Variants in SLC25A21 observed in about 807,000 individuals in gnomAD.
SLC25A21 encodes the protein mitochondrial 2-oxodicarboxylate carrier.
In SLC25A21, 47 loss-of-function variants were observed where a neutral mutation model predicts 43.8. The ratio of observed to expected loss-of-function variants is 1.07; its 90% CI spans 0.85 to 1.37. The LOEUF is 1.37. Ranked by LOEUF, SLC25A21 falls within the 40% of genes most tolerant of loss-of-function variation. The pLI, the probability that SLC25A21 is intolerant of heterozygous loss-of-function variation, is 0.00. For missense variants in SLC25A21, 352 were observed against 350.2 expected (o/e 1.00, Z -0.04); for synonymous variants, 131 against 121.3 (o/e 1.08, Z -0.52).
intron 1 of SLC25A21, among the ~76,000 whole-genome samples, chr14:37,054,862 C>G (rs1673021642): frequency 1.3e-5 from 2 of 152,070 alleles, no homozygotes; most frequent in Admixed American, 1.3e-4. Flanking sequence ...GAGCAAATAT[C>G]AAATCCAAAC....
At chr14:36,973,903 A>T (rs780664191) in intron 1 of SLC25A21, among the ~76,000 whole-genome samples, 54 of 152,312 alleles carry the variant, frequency 3.5e-4, no homozygotes, top group Non-Finnish European at 6.8e-4. Context: ...TCAATTTTCA[A>T]ATAAAAAAAA....
chr14:37,009,683 G>A (rs1405263949), intron 1 of SLC25A21, among the ~76,000 whole-genome samples: 1 of 152,228 alleles, frequency 6.6e-6, no homozygotes, highest in East Asian at 1.9e-4. Context: ...TGCCCTCTGA[G>A]CAAATTACTT....
intron 3 of SLC25A21, among the ~76,000 whole-genome samples, chr14:36,779,724 A>T (rs750296376): frequency 1.3e-4 from 19 of 150,198 alleles, no homozygotes; most frequent in African/African-American, 4.4e-4. Context: ...GTAGCTTGTT[A>T]TCTTGGCTAT....
rs35217998 is a variant in SLC25A21, at chr14:37,144,924, G to GGTT, written c.70+27354_70+27356dup. Among the ~76,000 whole-genome samples, 623 of 150,448 alleles carry GGTT rather than the reference G, an allele frequency of 4.1e-3. 1 individual carries two copies. Among genetic ancestry groups the GGTT allele is most frequent in the Middle Eastern group, 6.9e-3 (2 of 290 alleles). On this transcript the variant is annotated intron_variant, in intron 1 of 9. Transcript: ENST00000331299. ...CTGTGATTACACGCCCAGCCTGGGT[G>GGTT]GTTGTTGTTGTTGTTGTTGTTGTTG...
intron 1 of SLC25A21, among the ~76,000 whole-genome samples, chr14:36,898,422 T>C (rs952490968): frequency 2.0e-5 from 3 of 152,150 alleles, no homozygotes; most frequent in African/African-American, 7.2e-5. Flanking sequence ...ATTTTCCAGG[T>C]GCCGTCTGTC....
intron 1 of SLC25A21, among the ~76,000 whole-genome samples, chr14:36,954,765 C>T (rs1959289364): frequency 6.6e-6 from 1 of 152,010 alleles, no homozygotes; most frequent in African/African-American, 2.4e-5. Context: ...TTTCTGATTC[C>T]TCCACTTGTC....
In SLC25A21 at chr14:37,084,772, T is replaced by TA. The variant is rs547185807; in HGVS notation, c.70+87508dup. 1.7e-3 allele frequency among the ~76,000 whole-genome samples: 255 copies of TA among 152,288 alleles called. 1 individual carries two copies. Among genetic ancestry groups the TA allele is most frequent in the African/African-American group, 6.0e-3 (251 of 41,564 alleles). ...AACTCCTTAGTTGCTATAGACTACA[T>TA]AAAAAACAGATTTAAAATTCCTACA... On this transcript the variant is annotated intron_variant, in intron 1 of 9. Coordinates refer to ENST00000331299, the MANE Select transcript of SLC25A21 (RefSeq NM_030631.4).
At chr14:36,773,590 CTTG>C (rs1454400685) in intron 3 of SLC25A21, among the ~76,000 whole-genome samples, 1 of 152,156 alleles carries the variant, frequency 6.6e-6, no homozygotes, top group Non-Finnish European at 1.5e-5. Context: ...AGCCCAAAAT[CTTG>C]TTGTGTTGAC....
chr14:36,735,603 A>C (rs1363158419), intron 3 of SLC25A21, among the ~76,000 whole-genome samples: 4 of 152,084 alleles, frequency 2.6e-5, no homozygotes, highest in African/African-American at 9.7e-5. Context: ...AGAAGTTGAG[A>C]ATTTATTCAA....
chr14:36,775,761 T>C (rs1886797395), intron 3 of SLC25A21, among the ~76,000 whole-genome samples: 3 of 152,216 alleles, frequency 2.0e-5, no homozygotes, highest in Non-Finnish European at 2.9e-5. Flanking sequence ...GCCAGTTGCC[T>C]ACATTTAATG....
At chr14:36,829,508 A>T (rs1201726792) in intron 2 of SLC25A21, among the ~76,000 whole-genome samples, 1 of 151,930 alleles carries the variant, frequency 6.6e-6, no homozygotes. Context: ...GACAGCTCTA[A>T]CTCCTGGTGC....
rs990915955 is a variant in SLC25A21, at chr14:37,119,833, C to T, written c.70+52448G>A. On this transcript the variant is annotated intron_variant, in intron 1 of 9. Transcript: ENST00000331299. ...CTCACAGAGAGGTAAATATGTAATA[C>T]AGCATCAACTACAAAGATCTTACTG... is the stretch of plus-strand genomic sequence containing the variant. 3.3e-5 allele frequency among the ~76,000 whole-genome samples: 5 copies of T among 152,084 alleles called. No homozygotes were observed. The East Asian group carries it at 5.8e-4, about 18-fold the overall frequency.
At chr14:36,731,582 A>G (rs943067516) in intron 4 of SLC25A21, among the ~76,000 whole-genome samples, 5 of 151,986 alleles carry the variant, frequency 3.3e-5, no homozygotes, top group Non-Finnish European at 5.9e-5. Context: ...GTATATGAGC[A>G]CTCCTCTCAA....
At chr14:36,947,411 T>C (rs2138657080) in intron 1 of SLC25A21, among the ~76,000 whole-genome samples, 1 of 152,244 alleles carries the variant, frequency 6.6e-6, no homozygotes, top group East Asian at 1.9e-4. Flanking sequence ...TGTGTACAGG[T>C]GAATTAAGAA....
At chr14:36,784,795 C>A (rs145899383) in intron 3 of SLC25A21, among the ~76,000 whole-genome samples, 1 of 152,282 alleles carries the variant, frequency 6.6e-6, no homozygotes, top group Non-Finnish European at 1.5e-5. Context: ...CAGACACTTG[C>A]TATCTTACTC....
intron 3 of SLC25A21, among the ~76,000 whole-genome samples, chr14:36,777,811 A>G (rs1886892193): frequency 6.6e-6 from 1 of 152,238 alleles, no homozygotes; most frequent in South Asian, 2.1e-4. Flanking sequence ...CTGTTACAAC[A>G]GTCCTAGGAA....
chr14:36,741,242 T>C (rs1367653233), intron 3 of SLC25A21, among the ~76,000 whole-genome samples: 1 of 152,178 alleles, frequency 6.6e-6, no homozygotes, highest in African/African-American at 2.4e-5. Flanking sequence ...TTTCCTAAGT[T>C]ACTAGGCTAC....
intron 6 of SLC25A21, 45 bp from the exon 7 acceptor site, chr14:36,711,527 G>A (rs1348125431): frequency 6.4e-7 from 1 of 1,572,290 alleles, no homozygotes; most frequent in African/African-American, 1.4e-5. Context: ...CTTTGGGACT[G>A]TGGAATACAG....
intron 7 of SLC25A21, among the ~76,000 whole-genome samples, chr14:36,703,871 G>A (rs1416246229): frequency 1.3e-5 from 2 of 152,092 alleles, no homozygotes; most frequent in Non-Finnish European, 2.9e-5. Context: ...ATGGATATTC[G>A]AAAAAGATGT....
Sources: gnomAD v4.1 joint callset for allele counts (sites outside exome capture counted in the v4.1 genomes callset) on GRCh38, gnomAD v4.1.1 for gene constraint, MANE v1.5 for transcripts, NCBI Gene and HGNC (gene_info 2026-07-23, HGNC 2026-07-21) for gene names.